PCDHGA6: variants seen among roughly 807,000 people sequenced by gnomAD.
The protein encoded by PCDHGA6 is protocadherin gamma-A6.
A neutral mutation model predicts 60.6 loss-of-function variants in PCDHGA6; 41 were observed. The observed-to-expected ratio is 0.68, with a 90% confidence interval of 0.53 to 0.88. The LOEUF (loss-of-function observed/expected upper bound fraction) is 0.88, where lower values mean the gene tolerates loss of function less well. Among genes scored for constraint, PCDHGA6 ranks in the 40% least tolerant of loss-of-function variants. The pLI is 0.00. For synonymous variants in PCDHGA6, 594 were observed against 524.4 expected (o/e 1.13, Z -1.81); for missense variants, 1,312 against 1,203.0 (o/e 1.09, Z -1.34).
chr5:141,487,275 G>T lies in PCDHGA6; in HGVS notation c.2425-7532G>T, dbSNP rs747253888. 2.5e-6 allele frequency: 4 copies of T among 1,614,158 alleles called. No homozygotes were observed. The highest frequency in any genetic ancestry group is 1.1e-5 in the South Asian group (1 of 91,074). On this transcript the variant is annotated intron_variant, in intron 1 of 3. Coordinates refer to ENST00000517434, the MANE Select transcript of PCDHGA6 (RefSeq NM_018919.3). The surrounding 1 kb of genome is among the most constrained non-coding windows in gnomAD (Gnocchi z 5.0). ...TTGGCTGTGTCCCTAGTGGCAATTT[G>T]CTTTGTCTCCTTTGGCTCATTCGTG...
chr5:141,422,703 G>A (rs1473348513), intron 1 of PCDHGA6: 1 of 1,603,132 alleles, frequency 6.2e-7, no homozygotes, highest in Admixed American at 1.7e-5. Context: ...CTTACTCTCT[G>A]ACGGATGACA....
intron 1 of PCDHGA6, chr5:141,415,388 G>A (rs752789407): frequency 1.2e-6 from 2 of 1,614,236 alleles, no homozygotes; most frequent in Non-Finnish European, 1.7e-6. Context: ...GGCTTGACAG[G>A]TGTGTCCGGC....
chr5:141,409,491 C>A (rs747701093), intron 1 of PCDHGA6: 1 of 1,613,876 alleles, frequency 6.2e-7, no homozygotes, highest in East Asian at 2.2e-5. Context: ...AGGGGCAAGC[C>A]GCCTCTTTCT....
intron 1 of PCDHGA6, chr5:141,400,506 G>A (rs771674964): frequency 3.7e-6 from 6 of 1,613,830 alleles, no homozygotes; most frequent in Non-Finnish European, 5.1e-6. Context: ...CCAGCGAGTC[G>A]ACTTCCCATC....
rs376395066 is a variant in PCDHGA6 at position 141,490,681 on chromosome 5, C to G, written c.2425-4126C>G. On this transcript the variant is annotated intron_variant, in intron 1 of 3. Transcript: ENST00000517434. The surrounding 1 kb of genome is among the most constrained non-coding windows in gnomAD (Gnocchi z 5.4). ...TCTTTGCACTGTGGCTGCCTCAGATCCAGACACTGGGGATAATGCCCGCCT... is the reference window on the plus strand; with the variant it reads ...TCTTTGCACTGTGGCTGCCTCAGATGCAGACACTGGGGATAATGCCCGCCT... 2.5e-6 allele frequency: 4 copies of G among 1,613,998 alleles called. No homozygotes were observed. In the African/African-American group the frequency reaches 4.0e-5, roughly 16 times the overall value.
intron 1 of PCDHGA6, chr5:141,403,757 C>G (rs1326659106): frequency 6.2e-7 from 1 of 1,613,766 alleles, no homozygotes; most frequent in Non-Finnish European, 8.5e-7. Flanking sequence ...AGCCAGCGAC[C>G]TGGATGAGGG....
intron 1 of PCDHGA6, among the ~76,000 whole-genome samples, chr5:141,482,385 A>T (rs1238551737): frequency 6.6e-6 from 1 of 152,210 alleles, no homozygotes; most frequent in Non-Finnish European, 1.5e-5. Context: ...AAGTCCCTGT[A>T]TGGAGCAAGT....
At chr5:141,418,463 C>G in intron 1 of PCDHGA6, 1 of 1,613,944 alleles carries the variant, frequency 6.2e-7, no homozygotes, top group South Asian at 1.1e-5. Context: ...GACTCTGGAC[C>G]GAGAAACGCA....
chr5:141,431,389 G>T lies in PCDHGA6; in HGVS notation c.2424+54882G>T, dbSNP rs1213370298. 1 of 1,613,876 alleles carries T rather than the reference G, an allele frequency of 6.2e-7. No homozygotes were observed. Among genetic ancestry groups the T allele is most frequent in the Admixed American group, 1.7e-5 (1 of 60,028 alleles). On this transcript the variant is annotated intron_variant, in intron 1 of 3. Transcript: ENST00000517434. This position sits in a 1 kb window ranked among gnomAD's most constrained non-coding sequence, Gnocchi z 4.8. ...GCGAAGAAAAGGCTGCTCACCACCT[G>T]GTCCTTACGGCCTCCGACGGGGGCG...
At chr5:141,393,230 A>G (rs2092708331) in intron 1 of PCDHGA6, 1 of 1,613,764 alleles carries the variant, frequency 6.2e-7, no homozygotes, top group Non-Finnish European at 8.5e-7. Context: ...AAGATCTAGA[A>G]GTAAAAATTA....
chr5:141,374,363 G>A lies in PCDHGA6; in HGVS notation c.280G>A (p.Glu94Lys). The A allele has an allele frequency of 6.2e-7, 1 of 1,614,034 alleles. No homozygotes were observed. Among genetic ancestry groups the A allele is most frequent in the Non-Finnish European group, 8.5e-7 (1 of 1,179,894 alleles). The part of the protein sequence containing the change: ...LVTAGRIDRE[E>K]LCAQSPRCLV... Reference sequence around the variant, plus strand: ...CACCGCGGGTAGGATAGACCGCGAGGAGCTCTGTGCTCAGAGCCCGCGGTG... The same window carrying A: ...CACCGCGGGTAGGATAGACCGCGAGAAGCTCTGTGCTCAGAGCCCGCGGTG... The change falls in exon 1 of 4, where the codon GAG becomes AAG. Residue 94 changes from glutamate to lysine, a missense_variant. Glu to Lys is a moderately conservative substitution (Grantham distance 56). Coordinates refer to ENST00000517434, the MANE Select transcript of PCDHGA6 (RefSeq NM_018919.3).
rs199552905 is a variant in PCDHGA6 at position 141,423,400 on chromosome 5, C to A, written c.2424+46893C>A. On this transcript the variant is annotated intron_variant, in intron 1 of 3. Transcript: ENST00000517434. Reference sequence around the variant, plus strand: ...GCTGTGGCGCTGGCATAAGTCACGCCTGCTGCAGGCTTCTGAAGGCGGGTT... The same window carrying A: ...GCTGTGGCGCTGGCATAAGTCACGCATGCTGCAGGCTTCTGAAGGCGGGTT... 62 of 1,614,152 alleles carry A rather than the reference C, an allele frequency of 3.8e-5. No homozygotes were observed. The African/African-American group carries it at 6.9e-4, about 18-fold the overall frequency.
At chr5:141,384,679 G>A (rs773664166) in intron 1 of PCDHGA6, 33 of 1,614,216 alleles carry the variant, frequency 2.0e-5, no homozygotes, top group Non-Finnish European at 2.7e-5. Flanking sequence ...GGTGGTGGCG[G>A]TGGACAAAGA....
Position 141,431,599 on chromosome 5 carries a change from C to T in PCDHGA6, c.2424+55092C>T. On this transcript the variant is annotated intron_variant, in intron 1 of 3. Transcript: ENST00000517434. The surrounding 1 kb of genome is among the most constrained non-coding windows in gnomAD (Gnocchi z 4.8). ...GAGTCAATGCGGAAGTGAGGTATTC[C>T]TTCCGGTATGTGGACGACAAGGCGG... 1 of 1,614,194 alleles carries T rather than the reference C, an allele frequency of 6.2e-7. No individual in the cohort carries two copies. The highest frequency in any genetic ancestry group is 8.5e-7 in the Non-Finnish European group (1 of 1,180,034).
rs768648952 is a variant in PCDHGA6 at position 141,477,230 on chromosome 5, G to C, written c.2425-17577G>C. 6.2e-7 allele frequency: 1 copy of C among 1,614,046 alleles called. No homozygotes were observed. Among genetic ancestry groups the C allele is most frequent in the East Asian group, 2.2e-5 (1 of 44,890 alleles). ...GGATGCCCCTCTGGGGACTGTCATC[G>C]CTTTGCTCAGTGTGACTGACCTGGA... On this transcript the variant is annotated intron_variant, in intron 1 of 3. Transcript: ENST00000517434. The surrounding 1 kb of genome is among the most constrained non-coding windows in gnomAD (Gnocchi z 4.9).
intron 1 of PCDHGA6, among the ~76,000 whole-genome samples, chr5:141,471,145 G>T (rs569617031): frequency 3.4e-4 from 50 of 148,740 alleles, no homozygotes; most frequent in Non-Finnish European, 5.4e-4. Flanking sequence ...TGCCTCCTGG[G>T]TTCAAGTGAT....
At chr5:141,394,769 C>A in intron 1 of PCDHGA6, 1 of 1,613,514 alleles carries the variant, frequency 6.2e-7, no homozygotes, top group African/African-American at 1.3e-5. Context: ...ATGGCCAGCC[C>A]CCTCTCTCCG....
Position 141,375,025 on chromosome 5 carries a change from T to C in PCDHGA6, c.942T>C (p.Phe314=), listed in dbSNP as rs1771054334. The change falls in exon 1 of 4, where the codon TTT becomes TTC. Residue 314 remains phenylalanine, a synonymous_variant. Coordinates refer to ENST00000517434, the MANE Select transcript of PCDHGA6 (RefSeq NM_018919.3). ...ATCTAGACTATGAGGACTCGAGTTTTTATGAGCTGGGTGTTGAAGCCCGGG... is the reference window on the plus strand; with the variant it reads ...ATCTAGACTATGAGGACTCGAGTTTCTATGAGCTGGGTGTTGAAGCCCGGG... The part of the protein sequence containing the change: ...SANLDYEDSS[F]YELGVEARDG... The C allele has an allele frequency of 3.7e-6, 6 of 1,614,042 alleles. No individual in the cohort carries two copies. Among genetic ancestry groups the C allele is most frequent in the Non-Finnish European group, 5.1e-6 (6 of 1,179,902 alleles).
rs764692908 is a variant in PCDHGA6 at position 141,431,246 on chromosome 5, G to C, written c.2424+54739G>C. On this transcript the variant is annotated intron_variant, in intron 1 of 3. Coordinates refer to ENST00000517434, the MANE Select transcript of PCDHGA6 (RefSeq NM_018919.3). The surrounding 1 kb of genome is among the most constrained non-coding windows in gnomAD (Gnocchi z 4.8). ...ACCCCACGCCTGGGATCCGGATATC[G>C]GGAAGAACTCTCTGCAGAGCTACGA... 9 of 1,613,982 alleles carry C rather than the reference G, an allele frequency of 5.6e-6. No individual in the cohort carries two copies. Among genetic ancestry groups the C allele is most frequent in the Non-Finnish European group, 7.6e-6 (9 of 1,180,050 alleles).
Sources: gnomAD v4.1 joint callset for allele counts (sites outside exome capture counted in the v4.1 genomes callset) on GRCh38, gnomAD v4.1.1 for gene constraint, Gnocchi (gnomAD v3.1) non-coding constraint, MANE v1.5 for transcripts, NCBI Gene and HGNC (gene_info 2026-07-23, HGNC 2026-07-21) for gene names.